Variants in SRGAP2 observed in about 807,000 individuals in gnomAD.
SRGAP2 encodes SLIT-ROBO Rho GTPase-activating protein 2.
A neutral mutation model predicts 57.2 loss-of-function variants in SRGAP2; 15 were observed. The ratio of observed to expected loss-of-function variants is 0.26; its 90% confidence interval spans 0.18 to 0.40. SRGAP2 has a LOEUF of 0.40. Ranked by LOEUF, SRGAP2 falls within the 10% of genes least tolerant of loss-of-function variation. The pLI is 1.00. For missense variants in SRGAP2, 520 were observed against 669.6 expected (o/e 0.78, Z 2.47); for synonymous variants, 249 against 248.0 (o/e 1.00, Z -0.04).
At chr1:206,458,206 G>T (rs185411849) in intron 21 of SRGAP2, among the ~76,000 whole-genome samples, 1 of 152,210 alleles carries the variant, frequency 6.6e-6, no homozygotes, top group Non-Finnish European at 1.5e-5. Flanking sequence ...ATTTAGAAAA[G>T]TTAACTATCC....
chr1:206,432,680 A>G (rs1271834064), intron 14 of SRGAP2, among the ~76,000 whole-genome samples: 1 of 152,244 alleles, frequency 6.6e-6, no homozygotes, highest in Non-Finnish European at 1.5e-5. Flanking sequence ...AGTCTATATC[A>G]TGTAGAATAC....
At chr1:206,437,105 C>G (rs1318279789) in intron 15 of SRGAP2, 63 bp downstream of exon 15, 1 of 776,454 alleles carries the variant, frequency 1.3e-6, no homozygotes, top group African/African-American at 1.7e-5. Flanking sequence ...ATTGGCTCCA[C>G]CCTTTCTTCT....
At chr1:206,435,121 G>C (rs1251697902) in intron 14 of SRGAP2, among the ~76,000 whole-genome samples, 2 of 152,144 alleles carry the variant, frequency 1.3e-5, no homozygotes, top group African/African-American at 4.8e-5. Flanking sequence ...TTCCTTTATA[G>C]GAGCAGACAA....
At chr1:206,265,661 G>A (rs1480915907) in intron 2 of SRGAP2, among the ~76,000 whole-genome samples, 2 of 146,894 alleles carry the variant, frequency 1.4e-5, no homozygotes, top group African/African-American at 5.1e-5. Context: ...AGTAATTAGA[G>A]ATGAACAAAA....
intron 13 of SRGAP2, among the ~76,000 whole-genome samples, chr1:206,427,143 A>G (rs1235069150): frequency 6.6e-6 from 1 of 151,884 alleles, no homozygotes; most frequent in Non-Finnish European, 1.5e-5. Flanking sequence ...TTGTTTTTCT[A>G]TATGGTGAGA....
At chr1:206,423,949 ATTTT>A (rs782243765) in intron 13 of SRGAP2, among the ~76,000 whole-genome samples, 18 of 87,722 alleles carry the variant, frequency 2.1e-4, no homozygotes, top group African/African-American at 7.6e-4. Context: ...TAATTTATGT[ATTTT>A]TTTTTTTTTT....
Position 206,446,065 on chromosome 1 carries a change from TCTC to T in SRGAP2, c.1875-5_1875-3del, listed in dbSNP as rs1662729885. The T allele has an allele frequency of 2.6e-6, 2 of 779,970 alleles. No individual in the cohort carries two copies. The highest frequency in any genetic ancestry group is 2.4e-6 in the Non-Finnish European group (1 of 417,170). The allele number at this position is 779,970 out of a possible 1,614,324, so 48.3% of individuals were successfully genotyped here. A position where few individuals can be genotyped will look rare whatever the true frequency, so the allele number is the denominator to read the frequency against. ...GCTTTCCAGCTTGCCCCCTTTCCCTTCTCCTCCAGTTTATCACAGTTCAGTGAA... is the reference window on the plus strand; with the variant it reads ...GCTTTCCAGCTTGCCCCCTTTCCCTTCTCCAGTTTATCACAGTTCAGTGAA... On this transcript the variant is annotated splice_region_variant and splice_polypyrimidine_tract_variant and intron_variant, in intron 17 of 22. Coordinates refer to ENST00000573034, the MANE Select transcript of SRGAP2 (RefSeq NM_015326.5).
chr1:206,416,437 G>A (rs1262754819), intron 11 of SRGAP2, among the ~76,000 whole-genome samples: 1 of 152,174 alleles, frequency 6.6e-6, no homozygotes, highest in African/African-American at 2.4e-5. Flanking sequence ...GCTTTCTATA[G>A]CTTCCAGAAA....
intron 2 of SRGAP2, among the ~76,000 whole-genome samples, chr1:206,220,764 C>T (rs1553304492): frequency 2.6e-5 from 4 of 152,148 alleles, no homozygotes; most frequent in Non-Finnish European, 5.9e-5. Context: ...TTCTCAGCAA[C>T]TTGGGAAGGA....
At chr1:206,325,363 A>C (rs529818905) in intron 3 of SRGAP2, among the ~76,000 whole-genome samples, 2 of 151,556 alleles carry the variant, frequency 1.3e-5, no homozygotes, top group Admixed American at 1.3e-4. Flanking sequence ...TTTTTTGTTG[A>C]GATGGGGTCT....
At chr1:206,429,328 C>T (rs1661086561) in intron 13 of SRGAP2, among the ~76,000 whole-genome samples, 1 of 152,224 alleles carries the variant, frequency 6.6e-6, no homozygotes, top group Non-Finnish European at 1.5e-5. Context: ...CTGAAGCTCC[C>T]ATTGGTTCAT....
intron 2 of SRGAP2, among the ~76,000 whole-genome samples, chr1:206,231,654 C>T (rs1667646586): frequency 6.7e-6 from 1 of 148,298 alleles, no homozygotes; most frequent in Admixed American, 6.7e-5. Flanking sequence ...TTTTGTGCCT[C>T]AGCCACCCCG....
At chr1:206,225,565 T>G (rs1283959226) in intron 2 of SRGAP2, among the ~76,000 whole-genome samples, 1 of 152,086 alleles carries the variant, frequency 6.6e-6, no homozygotes, top group Non-Finnish European at 1.5e-5. Context: ...GGAATTTCAT[T>G]AGGCAAGTGA....
intron 16 of SRGAP2, among the ~76,000 whole-genome samples, chr1:206,439,110 A>G (rs1225830963): frequency 6.6e-6 from 1 of 152,166 alleles, no homozygotes; most frequent in Non-Finnish European, 1.5e-5. Context: ...AGACAGTTCA[A>G]TATCCCTTGG....
chr1:206,303,888 T>TCTCACA (rs1232915669), intron 3 of SRGAP2, among the ~76,000 whole-genome samples: 1 of 138,368 alleles, frequency 7.2e-6, no homozygotes, highest in Non-Finnish European at 1.6e-5. Context: ...TCTCTCTCTC[T>TCTCACA]CACACACACA....
chr1:206,419,239 C>T, intron 11 of SRGAP2, 134 bp from the exon 12 acceptor site: 2 of 667,596 alleles, frequency 3.0e-6, no homozygotes, highest in Non-Finnish European at 5.6e-6. Flanking sequence ...CTCTCTCTCT[C>T]TCCTCTCTTT....
At chr1:206,210,214 C>T (rs2102440288) in intron 2 of SRGAP2, among the ~76,000 whole-genome samples, 2 of 146,020 alleles carry the variant, frequency 1.4e-5, no homozygotes, top group East Asian at 2.0e-4. Flanking sequence ...GTATACAGTC[C>T]CAGCTATTGT....
At chr1:206,440,177 ATATT>A in intron 17 of SRGAP2, 96 bp downstream of exon 17, 1 of 699,456 alleles carries the variant, frequency 1.4e-6, no homozygotes, top group South Asian at 1.6e-5. Flanking sequence ...TCCCAACAAA[ATATT>A]TATTGAGCAC....
At chr1:206,419,478 A>C in intron 12 of SRGAP2, 78 bp downstream of exon 12, 1 of 777,208 alleles carries the variant, frequency 1.3e-6, no homozygotes, top group Non-Finnish European at 2.4e-6. Context: ...GAGAGAGCCA[A>C]GGAGTTGAGT....
Sources: gnomAD v4.1 joint callset for allele counts (sites outside exome capture counted in the v4.1 genomes callset) on GRCh38, gnomAD v4.1.1 for gene constraint, MANE v1.5 for transcripts, NCBI Gene and HGNC (gene_info 2026-07-23, HGNC 2026-07-21) for gene names.